SLC25A12: variants seen among roughly 807,000 people sequenced by gnomAD.
The protein encoded by SLC25A12 is electrogenic aspartate/glutamate antiporter SLC25A12, mitochondrial.
In SLC25A12, 32 loss-of-function variants were observed where a neutral mutation model predicts 83.3. That is an observed-to-expected ratio of 0.38 (90% CI 0.29 to 0.52). The LOEUF (loss-of-function observed/expected upper bound fraction) is 0.52. SLC25A12 is among the 20% of genes least tolerant of loss of function. SLC25A12 has a pLI of 0.84. For synonymous variants in SLC25A12, 267 were observed against 291.1 expected, an observed-to-expected ratio of 0.92 and a Z score of 0.84; for missense variants, 611 against 835.6, an observed-to-expected ratio of 0.73 and a Z score of 3.31.
intron 2 of SLC25A12, among the ~76,000 whole-genome samples, chr2:171,876,293 C>T (rs910476748): frequency 6.6e-6 from 1 of 152,142 alleles, no homozygotes; most frequent in South Asian, 2.1e-4. Context: ...CATAAGAAGT[C>T]AGTACTTGAC....
intron 9 of SLC25A12, among the ~76,000 whole-genome samples, chr2:171,819,471 ATT>A (rs1210655680): frequency 3.0e-5 from 4 of 134,742 alleles, no homozygotes; most frequent in Admixed American, 8.5e-5. Context: ...TATTATATAT[ATT>A]AATATATATA....
chr2:171,848,981 G>C (rs563950454), intron 4 of SLC25A12, among the ~76,000 whole-genome samples: 44 of 152,232 alleles, frequency 2.9e-4, no homozygotes, highest in African/African-American at 1.0e-3. Context: ...CCTGAGGTTA[G>C]AAGTTTGAGA....
At chr2:171,847,284 C>A (rs1684818382) in intron 4 of SLC25A12, among the ~76,000 whole-genome samples, 1 of 152,300 alleles carries the variant, frequency 6.6e-6, no homozygotes, top group Non-Finnish European at 1.5e-5. Context: ...GATTCAGATA[C>A]ACAGAAATAA....
chr2:171,837,388 C>T lies in SLC25A12; in HGVS notation c.466-121G>A, dbSNP rs557130583. ...TGTACTTACTACAAAACAAACAATG[C>T]ACAGATCTGAATTTGCAACAAAACT... On this transcript the variant is annotated intron_variant, in intron 5 of 17. Transcript: ENST00000422440. The T allele has an allele frequency of 1.6e-5, 17 of 1,045,472 alleles. No homozygotes were observed. In the African/African-American group the frequency reaches 2.7e-4, roughly 16 times the overall value. The allele number at this position is 1,045,472 out of a possible 1,614,324, so 64.8% of individuals were successfully genotyped here. A position where few individuals can be genotyped will look rare whatever the true frequency, so the allele number is the denominator to read the frequency against.
intron 3 of SLC25A12, among the ~76,000 whole-genome samples, chr2:171,860,352 G>A (rs74825173): frequency 0.019 from 2,929 of 152,096 alleles, 93 homozygotes; most frequent in African/African-American, 0.067. Context: ...AGGCTGAGGC[G>A]GGTGGATCAC....
intron 3 of SLC25A12, among the ~76,000 whole-genome samples, chr2:171,860,157 T>C (rs115747888): frequency 0.084 from 12,774 of 152,288 alleles, 817 homozygotes; most frequent in Admixed American, 0.2. Context: ...GTAAATGTTA[T>C]ATTATGTATA....
chr2:171,869,422 T>C (rs1197399005), intron 2 of SLC25A12, among the ~76,000 whole-genome samples: 2 of 152,140 alleles, frequency 1.3e-5, no homozygotes, highest in Non-Finnish European at 2.9e-5. Context: ...AGCCAGGACC[T>C]GAAAGTGACT....
intron 17 of SLC25A12, among the ~76,000 whole-genome samples, chr2:171,786,909 T>G (rs1261152667): frequency 1.3e-5 from 2 of 152,136 alleles, no homozygotes. Flanking sequence ...TGAAAGAAAA[T>G]GCACAAAAGT....
intron 15 of SLC25A12, 135 bp downstream of exon 15, chr2:171,791,316 G>C (rs777786506): frequency 2.7e-5 from 21 of 787,562 alleles, no homozygotes; most frequent in Non-Finnish European, 4.0e-5. Context: ...TCCCACAAAG[G>C]AGAAAAAGTG....
chr2:171,831,758 G>A (rs543827336), intron 8 of SLC25A12, among the ~76,000 whole-genome samples: 36 of 152,208 alleles, frequency 2.4e-4, no homozygotes, highest in African/African-American at 7.5e-4. Context: ...AATTAGGCAG[G>A]CATAGTGGTA....
intron 2 of SLC25A12, among the ~76,000 whole-genome samples, chr2:171,877,491 C>G (rs1685595882): frequency 6.6e-6 from 1 of 151,822 alleles, no homozygotes; most frequent in Admixed American, 6.6e-5. Flanking sequence ...ATAGCGAAAC[C>G]CCATCTCTAC....
intron 2 of SLC25A12, among the ~76,000 whole-genome samples, chr2:171,885,461 C>T (rs1412558141): frequency 1.3e-5 from 2 of 151,944 alleles, no homozygotes; most frequent in Non-Finnish European, 2.9e-5. Flanking sequence ...AGGTGGATCA[C>T]CTGAGGTCAG....
At chr2:171,881,005 C>T (rs1685682330) in intron 2 of SLC25A12, among the ~76,000 whole-genome samples, 1 of 152,124 alleles carries the variant, frequency 6.6e-6, no homozygotes, top group South Asian at 2.1e-4. Flanking sequence ...ATCGTTCCTA[C>T]CTTATAGAGT....
chr2:171,882,850 G>T (rs552397824), intron 2 of SLC25A12, among the ~76,000 whole-genome samples: 3 of 152,138 alleles, frequency 2.0e-5, no homozygotes, highest in Non-Finnish European at 4.4e-5. Flanking sequence ...ATTTTTTCAA[G>T]TCTGTGTCTT....
At chr2:171,868,311 A>ATTTT (rs71013084) in intron 3 of SLC25A12, among the ~76,000 whole-genome samples, 6 of 129,518 alleles carry the variant, frequency 4.6e-5, no homozygotes, top group South Asian at 2.3e-4. Context: ...GGGTTTTTTA[A>ATTTT]TTTTTTTTTT....
intron 14 of SLC25A12, among the ~76,000 whole-genome samples, chr2:171,791,795 C>G (rs1050127634): frequency 6.6e-5 from 10 of 152,054 alleles, no homozygotes; most frequent in Admixed American, 1.3e-4. Context: ...CTGCATATCT[C>G]AAAGCTTGTG....
chr2:171,863,547 A>G (rs1041471701), intron 3 of SLC25A12, among the ~76,000 whole-genome samples: 1 of 152,092 alleles, frequency 6.6e-6, no homozygotes. Flanking sequence ...AAAAAAAAGA[A>G]AAGAAAATGT....
Position 171,885,296 on chromosome 2 carries a change from A to C in SLC25A12, c.66+7909T>G, listed in dbSNP as rs1394373964. Among the ~76,000 whole-genome samples, 3 of 150,054 alleles carry C rather than the reference A, an allele frequency of 2.0e-5. No individual in the cohort carries two copies. The Admixed American group carries it at 2.0e-4, about 10-fold the overall frequency. On this transcript the variant is annotated intron_variant, in intron 2 of 17. Coordinates refer to ENST00000422440, the MANE Select transcript of SLC25A12 (RefSeq NM_003705.5). ...CTGCTTGATTCAAGGACAAAGTCTC[A>C]CTATCCTGCTAGTCTGCCTTTAATG...
At chr2:171,846,357 A>T (rs1684798108) in intron 4 of SLC25A12, among the ~76,000 whole-genome samples, 1 of 152,106 alleles carries the variant, frequency 6.6e-6, no homozygotes. Context: ...TTGATAATAA[A>T]TGTATATATT....
Sources: gnomAD v4.1 joint callset for allele counts (sites outside exome capture counted in the v4.1 genomes callset) on GRCh38, gnomAD v4.1.1 for gene constraint, MANE v1.5 for transcripts, NCBI Gene and HGNC (gene_info 2026-07-23, HGNC 2026-07-21) for gene names.